CEP290: variants seen among roughly 807,000 people sequenced by gnomAD.
CEP290 encodes the protein centrosomal protein 290, also known as centrosomal protein of 290 kDa.
CEP290 carries 317 observed loss-of-function variants against 344.9 expected under a neutral mutation model. The ratio of observed to expected loss-of-function variants is 0.92; its 90% CI spans 0.84 to 1.01. The LOEUF (loss-of-function observed/expected upper bound fraction) is 1.01. Among genes scored for constraint, CEP290 ranks in the 50% least tolerant of loss-of-function variants. The pLI, the probability that CEP290 is intolerant of heterozygous loss-of-function variation, is 0.00. For synonymous variants in CEP290, 932 were observed against 895.8 expected, an observed-to-expected ratio of 1.04 and a Z score of -0.72; for missense variants, 2,754 against 2,761.4, an observed-to-expected ratio of 1.00 and a Z score of 0.06.
At chr12:88,080,149 C>G (rs2036086722) in intron 38 of CEP290, 33 bp downstream of exon 38, 1 of 1,421,418 alleles carries the variant, frequency 7.0e-7, no homozygotes, top group African/African-American at 1.4e-5. Context: ...ACATATTTTT[C>G]CTAAATGTTG....
At position 88,093,904 on chromosome 12, in the gene CEP290, T is replaced by C. The variant is rs771815959; in HGVS notation, c.3175A>G (p.Ile1059Val). ...NSDIVSISKK[I>V]TMLEMKELNE... ...AATTCCTTCATTTCCAGCATAGTTA[T>C]TTTTTTTGAAATGGAAACAATGTCA... Residue 1059 changes from isoleucine (I) to valine (V), a missense_variant, in exon 28 of 54, where the codon ATA becomes GTA. Coordinates refer to ENST00000552810, the MANE Select transcript of CEP290 (RefSeq NM_025114.4). 7.5e-6 allele frequency: 12 copies of C among 1,600,682 alleles called. No homozygotes were observed. The Admixed American group carries it at 8.4e-5, about 11-fold the overall frequency.
In CEP290 at chr12:88,064,294, C is replaced by CA. The variant is rs11426323; in HGVS notation, c.6136-180dup. Among the ~76,000 whole-genome samples, 141,178 of 152,138 alleles carry CA rather than the reference C, an allele frequency of 0.93. 65,629 individuals are homozygous for CA. Among genetic ancestry groups the CA allele is most frequent in the East Asian group, 0.99 (5,126 of 5,176 alleles). ...AAGTTAGAATACAAAACTTGCAGAA[C>CA]AAAGGTAGTATGGTTTGTTTTAATT... On this transcript the variant is annotated intron_variant, in intron 44 of 53. Transcript: ENST00000552810.
chr12:88,089,343 G>T lies in CEP290; in HGVS notation c.3718C>A (p.Gln1240Lys). 6.2e-7 allele frequency: 1 copy of T among 1,613,840 alleles called. No individual in the cohort carries two copies. The highest frequency in any genetic ancestry group is 1.7e-5 in the Admixed American group (1 of 59,998). The change falls in exon 31 of 54, where the codon CAG becomes AAG. Residue 1240 changes from glutamine to lysine, a missense_variant. By Grantham distance (53) the Gln-to-Lys change is moderately conservative. Transcript: ENST00000552810. ...KMEAYNLRLE[Q>K]KLDEKEQALY... ...GCCTGTTCTTTTTCATCAAGTTTCTGCTCTAAGCGCAAGTTGTAGGCCTCC... is the reference window on the plus strand; with the variant it reads ...GCCTGTTCTTTTTCATCAAGTTTCTTCTCTAAGCGCAAGTTGTAGGCCTCC...
chr12:88,087,128 G>A (rs2036642041), intron 32 of CEP290, among the ~76,000 whole-genome samples: 1 of 152,060 alleles, frequency 6.6e-6, no homozygotes, highest in South Asian at 2.1e-4. Context: ...TATGTTTGAC[G>A]AATTTCATCT....
chr12:88,079,921 G>A (rs2036067416), intron 38 of CEP290, among the ~76,000 whole-genome samples: 1 of 151,994 alleles, frequency 6.6e-6, no homozygotes, highest in South Asian at 2.1e-4. Flanking sequence ...TTTTTGTAAT[G>A]TACATTAAGA....
At position 88,130,396 on chromosome 12, in the gene CEP290, T is replaced by C. The variant is rs1227463887; in HGVS notation, c.541A>G (p.Ile181Val). The change falls in exon 9 of 54, where the codon ATT becomes GTT. Residue 181 changes from isoleucine to valine, a missense_variant. Ile to Val is a conservative substitution (Grantham distance 29). Transcript: ENST00000552810. Reference sequence around the variant, plus strand: ...GAATCTATTTGTTTCTGGTAGTCAATAATATCCTGACAAAGTTGTTCATTC... The same window carrying C: ...GAATCTATTTGTTTCTGGTAGTCAACAATATCCTGACAAAGTTGTTCATTC... ...KKNEQLCQDI[I>V]DYQKQIDSQK... 2 of 1,608,314 alleles carry C rather than the reference T, an allele frequency of 1.2e-6. No homozygotes were observed. The highest frequency in any genetic ancestry group is 3.4e-5 in the Admixed American group (2 of 58,916).
At chr12:88,095,224 T>C (rs531341792) in intron 27 of CEP290, among the ~76,000 whole-genome samples, 160 of 152,266 alleles carry the variant, frequency 1.1e-3, no homozygotes, top group Non-Finnish European at 2.1e-3. Flanking sequence ...TCACAAAGGC[T>C]GAAGCAGACT....
chr12:88,117,507 T>A (rs755019712), intron 17 of CEP290, among the ~76,000 whole-genome samples: 1 of 152,160 alleles, frequency 6.6e-6, no homozygotes, highest in Non-Finnish European at 1.5e-5. Flanking sequence ...TTGAGAAAGT[T>A]TTGGATGTAT....
At chr12:88,078,784 C>A (rs1288432812) in intron 39 of CEP290, among the ~76,000 whole-genome samples, 3 of 151,686 alleles carry the variant, frequency 2.0e-5, no homozygotes, top group African/African-American at 7.3e-5. Flanking sequence ...TGCTGTGAAC[C>A]TAAAATTGCT....
Position 88,083,882 on chromosome 12 carries a change from C to G in CEP290, c.4777G>C (p.Asp1593His). The change falls in exon 36 of 54, where the codon GAT becomes CAT. Residue 1593 changes from aspartate (D) to histidine (H), a missense_variant. Coordinates refer to ENST00000552810, the MANE Select transcript of CEP290 (RefSeq NM_025114.4). ...TGTTTGAATTTATTTAGTGAACTAT[C>G]AGCCTGTAGTTCTAATCTGTGATGA... is the stretch of plus-strand genomic sequence containing the variant. ...ILHHRLELQADSSLNKFKQTA... is the reference protein window; with the variant it reads ...ILHHRLELQAHSSLNKFKQTA... 1 of 1,594,076 alleles carries G rather than the reference C, an allele frequency of 6.3e-7. No individual in the cohort carries two copies. Among genetic ancestry groups the G allele is most frequent in the East Asian group, 2.3e-5 (1 of 44,386 alleles).
chr12:88,050,220 T>C (rs2033360344), intron 53 of CEP290, 134 bp downstream of exon 53: 1 of 577,786 alleles, frequency 1.7e-6, no homozygotes, highest in Non-Finnish European at 3.0e-6. Flanking sequence ...TGAACATAAT[T>C]AACTTTGCAA....
intron 13 of CEP290, 95 bp from the exon 14 acceptor site, chr12:88,121,261 T>C (rs906605753): frequency 1.1e-5 from 9 of 790,890 alleles, no homozygotes; most frequent in Non-Finnish European, 1.7e-5. Flanking sequence ...GGTATGCCAT[T>C]AAAAAAAAAT....
intron 20 of CEP290, among the ~76,000 whole-genome samples, chr12:88,113,542 C>A (rs2038841210): frequency 6.6e-6 from 1 of 151,642 alleles, no homozygotes; most frequent in Non-Finnish European, 1.5e-5. Flanking sequence ...TTTAAAAAAA[C>A]AATTCAATAA....
At chr12:88,064,607 T>C (rs1316361006) in intron 44 of CEP290, among the ~76,000 whole-genome samples, 1 of 152,132 alleles carries the variant, frequency 6.6e-6, no homozygotes, top group Non-Finnish European at 1.5e-5. Flanking sequence ...CGACTGTGAC[T>C]GGTATCCTTA....
intron 6 of CEP290, among the ~76,000 whole-genome samples, chr12:88,133,460 T>C (rs771750643): frequency 6.6e-6 from 1 of 152,164 alleles, no homozygotes; most frequent in Non-Finnish European, 1.5e-5. Context: ...CAGTCTATCA[T>C]TGATGAGCAT....
At chr12:88,052,084 T>C (rs1009277484) in intron 52 of CEP290, among the ~76,000 whole-genome samples, 5 of 152,350 alleles carry the variant, frequency 3.3e-5, no homozygotes, top group African/African-American at 4.8e-5. Flanking sequence ...GTTGTAAATA[T>C]AGAATGCTTG....
chr12:88,120,974 A>G (rs748929116), intron 14 of CEP290, 23 bp downstream of exon 14: 1 of 1,595,296 alleles, frequency 6.3e-7, no homozygotes, highest in Non-Finnish European at 8.5e-7. Flanking sequence ...AAGCTCCTTG[A>G]ATGACAAGAT....
At chr12:88,137,918 T>C (rs1489563000) in intron 5 of CEP290, among the ~76,000 whole-genome samples, 1 of 152,188 alleles carries the variant, frequency 6.6e-6, no homozygotes, top group Non-Finnish European at 1.5e-5. Context: ...TACCTACTCA[T>C]GGTAGAAACA....
At chr12:88,065,390 AG>A (rs1357915972) in intron 44 of CEP290, among the ~76,000 whole-genome samples, 2 of 152,184 alleles carry the variant, frequency 1.3e-5, no homozygotes, top group Non-Finnish European at 2.9e-5. Flanking sequence ...AGCAAAAAAA[AG>A]AAGACAAACA....
Sources: allele counts gnomAD v4.1 joint callset (sites outside exome capture counted in the v4.1 genomes callset), GRCh38; gene constraint gnomAD v4.1.1; transcripts MANE v1.5; gene names NCBI Gene and HGNC (gene_info 2026-07-23, HGNC 2026-07-21).